NUP214: variants seen among roughly 807,000 people sequenced by gnomAD.
NUP214 encodes the protein nuclear pore complex protein Nup214.
A neutral mutation model predicts 196.2 loss-of-function variants in NUP214; 79 were observed. That is an observed-to-expected ratio of 0.40 (90% confidence interval 0.34 to 0.49). The LOEUF is 0.49. NUP214 is among the 20% of genes least tolerant of loss of function. NUP214 has a pLI of 0.58. For synonymous variants in NUP214, 1,020 were observed against 990.5 expected (o/e 1.03, Z -0.56); for missense variants, 2,468 against 2,539.0 (o/e 0.97, Z 0.60).
At chr9:131,136,236 C>T (rs570674667) in intron 9 of NUP214, among the ~76,000 whole-genome samples, 4 of 152,288 alleles carry the variant, frequency 2.6e-5, no homozygotes, top group South Asian at 4.1e-4. Context: ...GACTGGGTTT[C>T]GCCATGTTGG....
chr9:131,144,925 A>C lies in NUP214; in HGVS notation c.1769+171A>C, dbSNP rs140235325. 7.6e-3 allele frequency among the ~76,000 whole-genome samples: 1,165 copies of C among 152,338 alleles called. 12 individuals are homozygous for C. The highest frequency in any genetic ancestry group is 0.026 in the African/African-American group (1,084 of 41,576). Reference sequence around the variant, plus strand: ...CAACATAAAATACTGGCATTTCATCAGTGAATAGAGTCCAGAAGGGTCTCT... The same window carrying C: ...CAACATAAAATACTGGCATTTCATCCGTGAATAGAGTCCAGAAGGGTCTCT... On this transcript the variant is annotated intron_variant, in intron 12 of 35. Transcript: ENST00000359428.
chr9:131,133,307 T>G (rs1156611138), intron 7 of NUP214, 98 bp downstream of exon 7: 7 of 511,618 alleles, frequency 1.4e-5, no homozygotes, highest in Admixed American at 4.3e-5. Flanking sequence ...TGTTTGTGTT[T>G]TTTTTTTTTT....
At chr9:131,136,596 T>C (rs1831736132) in intron 9 of NUP214, 1 of 152,286 alleles carries the variant, frequency 6.6e-6, no homozygotes, top group Non-Finnish European at 1.5e-5. Flanking sequence ...TTGAAACAAC[T>C]TCTATACAAT....
chr9:131,215,730 G>A (rs941380806), intron 31 of NUP214, among the ~76,000 whole-genome samples: 2 of 152,004 alleles, frequency 1.3e-5, no homozygotes, highest in African/African-American at 4.8e-5. Context: ...GATGCTGGGA[G>A]GAGAGCATGC....
At chr9:131,137,817 C>G (rs1831783840) in intron 9 of NUP214, among the ~76,000 whole-genome samples, 1 of 152,180 alleles carries the variant, frequency 6.6e-6, no homozygotes, top group Non-Finnish European at 1.5e-5. Flanking sequence ...TCCCAAAGTG[C>G]TGGGATTACA....
In NUP214 at chr9:131,151,735, G is replaced by T. The variant is rs1295049528; in HGVS notation, c.2278-1G>T. On this transcript the variant is annotated splice_acceptor_variant, in intron 16 of 35. Coordinates refer to ENST00000359428, the MANE Select transcript of NUP214 (RefSeq NM_005085.4). LOFTEE classifies it high-confidence loss of function. ...CCAACACATTATTGTACTTTTTCTA[G>T]TCGCTTCATGGAGATATAAGTAGCC... 6 of 1,597,124 alleles carry T rather than the reference G, an allele frequency of 3.8e-6. No homozygotes were observed. Among genetic ancestry groups the T allele is most frequent in the Non-Finnish European group, 5.1e-6 (6 of 1,175,448 alleles).
In NUP214 at chr9:131,134,914, A is replaced by G. The variant is rs1316570999; in HGVS notation, c.848A>G (p.His283Arg). 6.2e-7 allele frequency: 1 copy of G among 1,613,512 alleles called. No homozygotes were observed. Among genetic ancestry groups the G allele is most frequent in the East Asian group, 2.2e-5 (1 of 44,882 alleles). ...MALLPKKEEK[H>R]PEIFVNFMEP... The stretch of plus-strand genomic sequence containing the variant: ...TCATTGTAGAAAAAAGAAGAAAAGC[A>G]CCCAGAGATATTTGTGAACTTTATG... Residue 283 changes from histidine (H) to arginine (R), a missense_variant, in exon 8 of 36, where the codon CAC (histidine) becomes CGC (arginine). Coordinates refer to ENST00000359428, the MANE Select transcript of NUP214 (RefSeq NM_005085.4).
chr9:131,130,137 G>GTTTTTTTTTTTTTTTTTTTTTTTT lies in NUP214; in HGVS notation c.593-616_593-615insTTTTTTTTTTTTTTTTTTTTTTTT, dbSNP rs757856001. Among the ~76,000 whole-genome samples, 153 of 76,928 alleles carry GTTTTTTTTTTTTTTTTTTTTTTTT rather than the reference G, an allele frequency of 2.0e-3. 53 individuals carry two copies. The highest frequency in any genetic ancestry group is 3.2e-3 in the East Asian group (7 of 2,182). 50.5% of individuals were successfully genotyped at this position (76,928 alleles called of 152,430 possible). A position where few individuals can be genotyped will look rare whatever the true frequency, so the allele number is the denominator to read the frequency against. On this transcript the variant is annotated intron_variant, in intron 4 of 35. Transcript: ENST00000359428. Reference sequence around the variant, plus strand: ...GAGCAGGAGAATGATTTCTGGTTTTGTTTTTTTTTTTTTGTTTTTTTTTTG... The same window carrying GTTTTTTTTTTTTTTTTTTTTTTTT: ...GAGCAGGAGAATGATTTCTGGTTTTGTTTTTTTTTTTTTTTTTTTTTTTTTTTTTTTTTTTTTGTTTTTTTTTTG...
chr9:131,196,393 C>G (rs1159214447), intron 28 of NUP214, among the ~76,000 whole-genome samples: 2 of 152,100 alleles, frequency 1.3e-5, no homozygotes, highest in African/African-American at 4.8e-5. Context: ...GAACTCCTGA[C>G]CTCGTGATCC....
At position 131,178,401 on chromosome 9, in the gene NUP214, C is replaced by T. The variant is rs767761111; in HGVS notation, c.3410C>T (p.Thr1137Ile). 8.7e-6 allele frequency: 14 copies of T among 1,609,612 alleles called. No individual in the cohort carries two copies. The Admixed American group carries it at 1.3e-4, about 15-fold the overall frequency. ...AAGAATAACCCTGCAACCCCTTCTA[C>T]AGCCATGGGGTATGTTCTGACTGCA... ...ELKNNPATPS[T>I]AMGSSVPYST... is the part of the protein sequence containing the mutation. The change falls in exon 24 of 36, where the codon ACA (threonine) becomes ATA (isoleucine). Residue 1137 changes from threonine to isoleucine, a missense_variant. By Grantham distance (89) the Thr-to-Ile change is moderately conservative. Coordinates refer to ENST00000359428, the MANE Select transcript of NUP214 (RefSeq NM_005085.4).
At chr9:131,148,290 T>C (rs1588132220) in intron 14 of NUP214, among the ~76,000 whole-genome samples, 1 of 152,216 alleles carries the variant, frequency 6.6e-6, no homozygotes, top group African/African-American at 2.4e-5. Context: ...TGTTCAACAT[T>C]ATGTTTGTGA....
intron 30 of NUP214, among the ~76,000 whole-genome samples, chr9:131,209,960 A>C (rs2131070280): frequency 6.6e-6 from 1 of 152,280 alleles, no homozygotes; most frequent in East Asian, 1.9e-4. Context: ...CTAAAACCTA[A>C]GTGGAGACTG....
chr9:131,125,590 T>C lies in NUP214; in HGVS notation c.-115T>C. On this transcript the variant is annotated 5_prime_UTR_variant, in exon 1 of 36. Transcript: ENST00000359428. The surrounding 1 kb of genome is among the most constrained non-coding windows in gnomAD (Gnocchi z 4.1). ...ACCAAAGCGCGCCGGAAATGCGAGGTCAACTGCGCGCCGCTGGCGCTGAGG... is the reference window on the plus strand; with the variant it reads ...ACCAAAGCGCGCCGGAAATGCGAGGCCAACTGCGCGCCGCTGGCGCTGAGG... 1 of 1,547,748 alleles carries C rather than the reference T, an allele frequency of 6.5e-7. No individual in the cohort carries two copies. Among genetic ancestry groups the C allele is most frequent in the Non-Finnish European group, 8.7e-7 (1 of 1,144,940 alleles).
At chr9:131,187,387 T>TC in intron 25 of NUP214, 23 bp downstream of exon 25, 1 of 1,392,588 alleles carries the variant, frequency 7.2e-7, no homozygotes, top group Non-Finnish European at 9.8e-7. Context: ...TTTTTACTTT[T>TC]TTTTTTTTTT....
rs765769913 is a variant in NUP214, at chr9:131,228,164, C to T, written c.5907C>T (p.Gly1969=). Residue 1969 remains glycine, a synonymous_variant, in exon 33 of 36, where the codon GGC becomes GGT. Transcript: ENST00000359428. ...GTTTGCCTCTGTTTTGCTCAGGTGG[C>T]TTCGGTGCTGCTCCAGTGTTTGGCA... ...FGFSSPNKTG[G]FGAAPVFGSP... is the part of the protein sequence containing the mutation. 7.0e-6 allele frequency: 11 copies of T among 1,580,068 alleles called. No homozygotes were observed. The East Asian group carries it at 2.4e-4, about 34-fold the overall frequency.
At chr9:131,230,236 GATAA>G (rs1262826477) in intron 33 of NUP214, 5 of 194,312 alleles carry the variant, frequency 2.6e-5, no homozygotes, top group African/African-American at 9.5e-5. Flanking sequence ...AGGAGCTGAA[GATAA>G]ATAAATGGGA....
chr9:131,142,137 T>G (rs1831935981), intron 11 of NUP214, among the ~76,000 whole-genome samples: 1 of 152,212 alleles, frequency 6.6e-6, no homozygotes, highest in Non-Finnish European at 1.5e-5. Flanking sequence ...GTGTTGTTTT[T>G]TTTTCCTCCT....
At chr9:131,126,804 G>C (rs1831370738) in intron 1 of NUP214, among the ~76,000 whole-genome samples, 1 of 151,998 alleles carries the variant, frequency 6.6e-6, no homozygotes, top group Admixed American at 6.6e-5. Flanking sequence ...CCCTCCTCTG[G>C]CTCCCAAAGT....
Position 131,144,387 on chromosome 9 carries a change from G to A in NUP214, c.1402G>A (p.Ala468Thr). ...ACCTTCATCACCTGCTGCTCCCATT[G>A]CCACTTTTTCTTTGCTTCCTGCTGG... ...LPPSSPAAPIATFSLLPAGGA... is the reference protein window; with the variant it reads ...LPPSSPAAPITTFSLLPAGGA... Residue 468 changes from alanine to threonine, a missense_variant, in exon 12 of 36, where the codon GCC becomes ACC. Ala to Thr is a moderately conservative substitution (Grantham distance 58, BLOSUM62 0). This residue lies in a region of NUP214 where 1,801 missense variants were observed against 1,779.4 expected (regional missense o/e 1.01). Transcript: ENST00000359428. 1 of 1,614,070 alleles carries A rather than the reference G, an allele frequency of 6.2e-7. No homozygotes were observed. The highest frequency in any genetic ancestry group is 1.7e-5 in the Admixed American group (1 of 60,006).
Sources: gnomAD v4.1 joint callset for allele counts (sites outside exome capture counted in the v4.1 genomes callset) on GRCh38, gnomAD v4.1.1 for gene constraint, gnomAD v4.1.1 regional missense constraint, Gnocchi (gnomAD v3.1) non-coding constraint, MANE v1.5 for transcripts, NCBI Gene and HGNC (gene_info 2026-07-23, HGNC 2026-07-21) for gene names.